The following ARMC2 variants were observed in gnomAD, a reference collection of about 807,000 sequenced individuals.
The protein encoded by ARMC2 is armadillo repeat containing 2.
Under a neutral mutation model 90.3 loss-of-function variants are expected in ARMC2, and 67 were observed. The ratio of observed to expected loss-of-function variants is 0.74; its 90% confidence interval spans 0.61 to 0.91. The LOEUF (loss-of-function observed/expected upper bound fraction) is 0.91. Among genes scored for constraint, ARMC2 ranks in the 40% least tolerant of loss-of-function variants. ARMC2 has a pLI of 0.00. For synonymous variants in ARMC2, 393 were observed against 393.0 expected (o/e 1.00, Z 0.00); for missense variants, 920 against 1,030.9 (o/e 0.89, Z 1.47).
At chr6:108,873,749 C>T (rs187525696) in intron 4 of ARMC2, among the ~76,000 whole-genome samples, 17 of 152,216 alleles carry the variant, frequency 1.1e-4, no homozygotes, top group African/African-American at 3.6e-4. Context: ...TCTTATTAAC[C>T]ATTCAAAATG....
downstream of ARMC2, among the ~76,000 whole-genome samples, chr6:108,975,389 T>C (rs1249725843): frequency 6.6e-6 from 1 of 152,038 alleles, no homozygotes; most frequent in African/African-American, 2.4e-5. Context: ...CCAAATTTTC[T>C]TTATCCAGTC....
At chr6:109,036,758 C>G in the ARMC2 span, among the ~76,000 whole-genome samples, 1 of 152,134 alleles carries the variant, frequency 6.6e-6, no homozygotes, top group Non-Finnish European at 1.5e-5. Flanking sequence ...TTTCTTGTTT[C>G]CAGTGGCGCT....
chr6:109,009,067 CT>C, the ARMC2 span: 1 of 923,242 alleles, frequency 1.1e-6, no homozygotes, highest in Non-Finnish European at 1.4e-6. Context: ...GTATTGGAGA[CT>C]TTCATTTACA....
the ARMC2 span, among the ~76,000 whole-genome samples, chr6:109,006,507 A>G: frequency 6.7e-6 from 1 of 148,720 alleles, no homozygotes; most frequent in Admixed American, 6.7e-5. Context: ...GTCCAAGGAA[A>G]GCCCTGAGAT....
the ARMC2 span, chr6:108,988,554 G>A: frequency 3.1e-6 from 5 of 1,610,088 alleles, no homozygotes; most frequent in Non-Finnish European, 4.2e-6. Flanking sequence ...TTCTCAGAGT[G>A]CTTGAACTGC....
chr6:109,051,159 AC>A, the ARMC2 span, among the ~76,000 whole-genome samples: 9 of 149,946 alleles, frequency 6.0e-5, no homozygotes, highest in Non-Finnish European at 1.2e-4. Context: ...ACAAAAAAAA[AC>A]AACAAAAAAA....
Position 108,863,750 on chromosome 6 carries a change from C to T in ARMC2, c.292-5074C>T, listed in dbSNP as rs76561150. 4.0e-4 allele frequency among the ~76,000 whole-genome samples: 61 copies of T among 152,304 alleles called. 2 individuals carry two copies. The East Asian group carries it at 0.012, about 29-fold the overall frequency. On this transcript the variant is annotated intron_variant, in intron 3 of 17. Transcript: ENST00000392644. Reference sequence around the variant, plus strand: ...GTTTTCGTTCAACTTTTTATTGACACAGAAGAATTCAGCTTGATACATTTA... The same window carrying T: ...GTTTTCGTTCAACTTTTTATTGACATAGAAGAATTCAGCTTGATACATTTA...
At chr6:109,011,941 T>C in the ARMC2 span, among the ~76,000 whole-genome samples, 2 of 152,260 alleles carry the variant, frequency 1.3e-5, no homozygotes, top group African/African-American at 4.8e-5. Context: ...ATAAATGTAT[T>C]AATTAACCTG....
intron 5 of ARMC2, among the ~76,000 whole-genome samples, chr6:108,890,215 A>AAAAAAAC (rs1770854508): frequency 8.1e-6 from 1 of 122,986 alleles, no homozygotes; most frequent in African/African-American, 3.0e-5. Flanking sequence ...AAAAAAAAAA[A>AAAAAAAC]AAAAAAAAAA....
the ARMC2 span, among the ~76,000 whole-genome samples, chr6:109,035,029 T>C: frequency 6.6e-6 from 1 of 152,110 alleles, no homozygotes; most frequent in Non-Finnish European, 1.5e-5. Context: ...TCTTAATAGG[T>C]TTTTTCCTCA....
chr6:108,849,980 G>T (rs1444189924), intron 1 of ARMC2, among the ~76,000 whole-genome samples: 1 of 152,210 alleles, frequency 6.6e-6, no homozygotes, highest in Non-Finnish European at 1.5e-5. Context: ...TATTTGATTT[G>T]CAGGGAAGAC....
At chr6:108,944,854 C>T (rs1776692687) in intron 12 of ARMC2, among the ~76,000 whole-genome samples, 2 of 152,066 alleles carry the variant, frequency 1.3e-5, no homozygotes, top group African/African-American at 2.4e-5. Context: ...AAGGCATCTA[C>T]TCCTCCCAGC....
the ARMC2 span, among the ~76,000 whole-genome samples, chr6:108,983,614 G>T: frequency 6.6e-6 from 1 of 152,104 alleles, no homozygotes; most frequent in Non-Finnish European, 1.5e-5. Flanking sequence ...GTTTGACTTT[G>T]TGCCAGTTCC....
At chr6:108,955,381 A>G (rs987327497) in intron 13 of ARMC2, among the ~76,000 whole-genome samples, 10 of 152,200 alleles carry the variant, frequency 6.6e-5, no homozygotes, top group African/African-American at 1.9e-4. Context: ...GTGCTTCATT[A>G]TGGAGCTTTA....
intron 11 of ARMC2, among the ~76,000 whole-genome samples, chr6:108,933,689 C>T (rs902668280): frequency 1.3e-5 from 2 of 152,126 alleles, no homozygotes; most frequent in Non-Finnish European, 2.9e-5. Flanking sequence ...CTGGCTAGGA[C>T]TTCCAATACT....
At chr6:109,037,624 G>A in the ARMC2 span, among the ~76,000 whole-genome samples, 2 of 152,128 alleles carry the variant, frequency 1.3e-5, no homozygotes, top group East Asian at 1.9e-4. Context: ...TTCTATAGAT[G>A]AAGAAATTGA....
chr6:109,041,782 T>A, the ARMC2 span, among the ~76,000 whole-genome samples: 1 of 152,092 alleles, frequency 6.6e-6, no homozygotes, highest in African/African-American at 2.4e-5. Flanking sequence ...TCTCAACAAT[T>A]GCTAGAACAA....
intron 8 of ARMC2, among the ~76,000 whole-genome samples, chr6:108,908,420 A>G (rs1773035204): frequency 1.3e-5 from 2 of 152,202 alleles, no homozygotes; most frequent in Admixed American, 1.3e-4. Flanking sequence ...GGTGCCCAGT[A>G]AATACTTGTG....
At chr6:108,909,177 A>G (rs1773129119) in intron 8 of ARMC2, among the ~76,000 whole-genome samples, 1 of 152,214 alleles carries the variant, frequency 6.6e-6, no homozygotes, top group Non-Finnish European at 1.5e-5. Context: ...AGATGACCTT[A>G]TTCCTACAAA....
Sources: gnomAD v4.1 joint callset for allele counts (sites outside exome capture counted in the v4.1 genomes callset) on GRCh38, gnomAD v4.1.1 for gene constraint, MANE v1.5 for transcripts, NCBI Gene and HGNC (gene_info 2026-07-23, HGNC 2026-07-21) for gene names.